Variants in KIF26B observed in about 807,000 individuals in gnomAD.
The protein encoded by KIF26B is kinesin family member 26B.
A neutral mutation model predicts 151.2 loss-of-function variants in KIF26B; 63 were observed. The observed-to-expected ratio is 0.42, with a 90% CI of 0.34 to 0.51. KIF26B has a LOEUF of 0.51. Ranked by LOEUF, KIF26B falls within the 20% of genes least tolerant of loss-of-function variation. The pLI, the probability that KIF26B is intolerant of heterozygous loss-of-function variation, is 0.07. For missense variants in KIF26B, 2,813 were observed against 2,913.6 expected, an observed-to-expected ratio of 0.97 and a Z score of 0.79; for synonymous variants, 1,357 against 1,262.1, an observed-to-expected ratio of 1.08 and a Z score of -1.59.
intron 3 of KIF26B, among the ~76,000 whole-genome samples, chr1:245,410,950 A>T (rs1300872904): frequency 6.6e-6 from 1 of 152,164 alleles, no homozygotes; most frequent in Non-Finnish European, 1.5e-5. Context: ...GGTACTTCAG[A>T]TAGGTGGAAT....
intron 10 of KIF26B, among the ~76,000 whole-genome samples, chr1:245,673,111 CCCG>C (rs2044312330): frequency 1.4e-5 from 2 of 138,684 alleles, no homozygotes; most frequent in African/African-American, 5.5e-5. Context: ...AGGCCCAGTC[CCCG>C]CTGCGCGCTG....
intron 4 of KIF26B, among the ~76,000 whole-genome samples, chr1:245,427,617 C>T (rs968698119): frequency 1.3e-5 from 2 of 152,142 alleles, no homozygotes; most frequent in African/African-American, 4.8e-5. Flanking sequence ...TCAAAACAAA[C>T]AAACAAACAA....
rs889532109 is a variant in KIF26B, at chr1:245,288,212, T to C, written c.466-78622T>C. 4.6e-5 allele frequency among the ~76,000 whole-genome samples: 7 copies of C among 152,272 alleles called. No individual in the cohort carries two copies. In the East Asian group the frequency reaches 1.4e-3, roughly 29 times the overall value. ...AGGCCATCATGTTCCATTCGGAGCATCGTAATCATTTTCACAGCAACTAAA... is the reference window on the plus strand; with the variant it reads ...AGGCCATCATGTTCCATTCGGAGCACCGTAATCATTTTCACAGCAACTAAA... On this transcript the variant is annotated intron_variant, in intron 2 of 14. Transcript: ENST00000407071.
At chr1:245,436,142 A>G (rs1367836387) in intron 4 of KIF26B, among the ~76,000 whole-genome samples, 5 of 150,338 alleles carry the variant, frequency 3.3e-5, no homozygotes, top group African/African-American at 1.2e-4. Flanking sequence ...GCGTCACTGC[A>G]CTCCAGCCTG....
chr1:245,641,869 G>A (rs547662606), intron 9 of KIF26B, among the ~76,000 whole-genome samples: 13 of 150,000 alleles, frequency 8.7e-5, no homozygotes, highest in South Asian at 4.3e-4. Context: ...TGTTCTTGAC[G>A]CTTGAAGTAT....
chr1:245,321,631 G>C (rs569878854), intron 2 of KIF26B, among the ~76,000 whole-genome samples: 31 of 152,314 alleles, frequency 2.0e-4, no homozygotes, highest in African/African-American at 7.5e-4. Flanking sequence ...GGAGAACACC[G>C]AAGCTTCGAA....
Position 245,540,869 on chromosome 1 carries a change from T to C in KIF26B, c.1269T>C (p.Ile423=), listed in dbSNP as rs1014840060. ...TCTTTGCAACCAGCTTCAGTGGGATTCTGCAGACCTCCCCTCCCCCAGCCC... is the reference window on the plus strand; with the variant it reads ...TCTTTGCAACCAGCTTCAGTGGGATCCTGCAGACCTCCCCTCCCCCAGCCC... ...PPLFATSFSG[I]LQTSPPPAPP... is the part of the protein sequence containing the mutation. Residue 423 remains isoleucine (I), a synonymous_variant, in exon 5 of 15, where the codon ATT becomes ATC. Transcript: ENST00000407071. This position sits in a 1 kb window ranked among gnomAD's most constrained non-coding sequence, Gnocchi z 4.6. 5.0e-6 allele frequency: 8 copies of C among 1,613,822 alleles called. No homozygotes were observed. In the East Asian group the frequency reaches 8.9e-5, roughly 18 times the overall value.
At chr1:245,610,220 C>G (rs1238783679) in intron 8 of KIF26B, among the ~76,000 whole-genome samples, 1 of 152,172 alleles carries the variant, frequency 6.6e-6, no homozygotes, top group African/African-American at 2.4e-5. Flanking sequence ...TTGATAAGTA[C>G]CTGCCTCTTC....
chr1:245,574,498 A>G (rs2043096612), intron 5 of KIF26B, among the ~76,000 whole-genome samples: 1 of 152,166 alleles, frequency 6.6e-6, no homozygotes, highest in South Asian at 2.1e-4. Context: ...GCCAGGCAAG[A>G]TGATCTGAGA....
chr1:245,670,393 A>G (rs939115469), intron 10 of KIF26B, among the ~76,000 whole-genome samples: 15 of 151,598 alleles, frequency 9.9e-5, no homozygotes, highest in Non-Finnish European at 2.2e-4. Flanking sequence ...TGAGAAATAA[A>G]GCTGTGTAAG....
At chr1:245,608,319 G>A (rs894998186) in intron 7 of KIF26B, among the ~76,000 whole-genome samples, 1 of 152,192 alleles carries the variant, frequency 6.6e-6, no homozygotes, top group Admixed American at 6.5e-5. Context: ...TGCTCCCCAG[G>A]CCTTGCCCTT....
intron 2 of KIF26B, among the ~76,000 whole-genome samples, chr1:245,208,289 T>C (rs1361344862): frequency 2.0e-5 from 3 of 152,232 alleles, no homozygotes; most frequent in Non-Finnish European, 4.4e-5. Flanking sequence ...TTTAGTCCAT[T>C]GTCCCACTTA....
At chr1:245,648,172 C>T (rs547619645) in intron 10 of KIF26B, among the ~76,000 whole-genome samples, 1 of 152,316 alleles carries the variant, frequency 6.6e-6, no homozygotes, top group Admixed American at 6.5e-5. Context: ...TCATTGATTA[C>T]ATATCTTACT....
At chr1:245,201,919 C>A (rs771900925) in intron 2 of KIF26B, among the ~76,000 whole-genome samples, 3 of 152,126 alleles carry the variant, frequency 2.0e-5, no homozygotes, top group Non-Finnish European at 2.9e-5. Flanking sequence ...TCTTTTATTT[C>A]CTGTTGGGGT....
chr1:245,372,118 G>A (rs1163682139), intron 3 of KIF26B, among the ~76,000 whole-genome samples: 3 of 152,026 alleles, frequency 2.0e-5, no homozygotes, highest in African/African-American at 2.4e-5. Flanking sequence ...GCGGGTGGGT[G>A]GGCATTACCT....
chr1:245,679,442 GTTTTTTT>G (rs111961107), intron 10 of KIF26B, among the ~76,000 whole-genome samples: 4 of 74,182 alleles, frequency 5.4e-5, no homozygotes, highest in African/African-American at 1.9e-4. Context: ...GGTTTTTTGT[GTTTTTTT>G]TGTGTGTGTT....
rs2044233453 is a variant in KIF26B at position 245,667,824 on chromosome 1, G to C, written c.2259-16409G>C. On this transcript the variant is annotated intron_variant, in intron 10 of 14. Transcript: ENST00000407071. This position sits in a 1 kb window ranked among gnomAD's most constrained non-coding sequence, Gnocchi z 4.3. Reference sequence around the variant, plus strand: ...AAACAGACAAACAAAAGGGACCAAAGAGGTGGCATGAGTAGCATGAGTCAG... The same window carrying C: ...AAACAGACAAACAAAAGGGACCAAACAGGTGGCATGAGTAGCATGAGTCAG... Among the ~76,000 whole-genome samples the C allele has an allele frequency of 6.6e-6, 1 of 152,198 alleles. No homozygotes were observed. Among genetic ancestry groups the C allele is most frequent in the Non-Finnish European group, 1.5e-5 (1 of 68,032 alleles).
At chr1:245,627,608 A>G (rs1266870333) in intron 9 of KIF26B, among the ~76,000 whole-genome samples, 1 of 152,170 alleles carries the variant, frequency 6.6e-6, no homozygotes, top group Non-Finnish European at 1.5e-5. Flanking sequence ...TCCAAAAGCT[A>G]GCAGAAGACA....
At chr1:245,537,467 G>C (rs1477557894) in intron 4 of KIF26B, among the ~76,000 whole-genome samples, 4 of 152,182 alleles carry the variant, frequency 2.6e-5, no homozygotes. Flanking sequence ...GAGTTACTCT[G>C]GCTCCTTTGT....
Sources: allele counts gnomAD v4.1 joint callset (sites outside exome capture counted in the v4.1 genomes callset), GRCh38; gene constraint gnomAD v4.1.1; non-coding constraint Gnocchi (gnomAD v3.1); transcripts MANE v1.5; gene names NCBI Gene and HGNC (gene_info 2026-07-23, HGNC 2026-07-21).